The following CHST7 variants were observed in gnomAD, a reference collection of about 807,000 sequenced individuals.
CHST7 encodes carbohydrate sulfotransferase 7.
In CHST7, 5 loss-of-function variants were observed where a neutral mutation model predicts 9.0. The ratio of observed to expected loss-of-function variants is 0.56; its 90% CI spans 0.29 to 1.17. CHST7 has a LOEUF of 1.17. CHST7 is among the 50% of genes most tolerant of loss of function. The probability of loss-of-function intolerance (pLI) is 0.08; values close to 1 mark genes in which losing one functional copy is unlikely to be tolerated. For missense variants in CHST7, 377 were observed against 485.1 expected, an observed-to-expected ratio of 0.78 and a Z score of 2.09; for synonymous variants, 244 against 237.1, an observed-to-expected ratio of 1.03 and a Z score of -0.27.
chrX:46,583,393 T>G (rs1404019304), intron 1 of CHST7, among the ~76,000 whole-genome samples: 1 of 111,855 alleles, frequency 8.9e-6, no homozygotes, highest in Non-Finnish European at 1.9e-5. Flanking sequence ...CAGTTTTAAT[T>G]GGAGAAAATA....
chrX:46,576,750 G>A (rs904705708), intron 1 of CHST7, among the ~76,000 whole-genome samples: 3 of 112,430 alleles, frequency 2.7e-5, no homozygotes, highest in African/African-American at 9.7e-5. Context: ...CCCCTGAGAT[G>A]AAGCTCTGAG....
chrX:46,573,812 G>A lies in CHST7; in HGVS notation c.-120G>A. ...TTTCCCCTTGTGGATGCGCGGCCCC[G>A]CGGCTCTGCTCCTCCCGGCGCAGAG... is the stretch of plus-strand genomic sequence containing the variant. On this transcript the variant is annotated 5_prime_UTR_variant, in exon 1 of 2. Transcript: ENST00000276055. The A allele has an allele frequency of 1.9e-6, 2 of 1,034,128 alleles. No homozygotes were observed. The highest frequency in any genetic ancestry group is 2.5e-6 in the Non-Finnish European group (2 of 795,550). The allele number at this position is 1,034,128 out of a possible 1,213,427, so 85.2% of individuals were successfully genotyped here.
intron 1 of CHST7, 137 bp downstream of exon 1, chrX:46,575,560 A>G: frequency 1.9e-6 from 1 of 519,228 alleles, no homozygotes; most frequent in Non-Finnish European, 2.7e-6. Context: ...AGGATGGGAA[A>G]GTCCTGCTCG....
At chrX:46,586,688 A>G (rs1942550986) in intron 1 of CHST7, among the ~76,000 whole-genome samples, 1 of 112,179 alleles carries the variant, frequency 8.9e-6, no homozygotes, top group Admixed American at 9.4e-5. Flanking sequence ...GCTCAATGAA[A>G]GGAAAAAACA....
Position 46,574,126 on chromosome X carries a change from C to G in CHST7, c.195C>G (p.Arg65=). ...WSLEAAAAGE[R]EQGAEARAAE... is the part of the protein sequence containing the mutation. ...TGGAGGCGGCGGCGGCCGGCGAACG[C>G]GAGCAGGGAGCGGAGGCGCGGGCCG... Residue 65 remains arginine (R), a synonymous_variant, in exon 1 of 2, where the codon CGC becomes CGG. Coordinates refer to ENST00000276055, the MANE Select transcript of CHST7 (RefSeq NM_019886.4). 7 of 1,162,887 alleles carry G rather than the reference C, an allele frequency of 6.0e-6. No individual in the cohort carries two copies. Among genetic ancestry groups the G allele is most frequent in the Non-Finnish European group, 8.0e-6 (7 of 872,073 alleles).
intron 1 of CHST7, among the ~76,000 whole-genome samples, chrX:46,575,947 C>T (rs772449115): frequency 9.0e-6 from 1 of 111,509 alleles, no homozygotes; most frequent in African/African-American, 3.3e-5. Flanking sequence ...CTACCTATCC[C>T]TAATCTTTCT....
chrX:46,577,747 A>T (rs1335558687), intron 1 of CHST7, among the ~76,000 whole-genome samples: 1 of 111,780 alleles, frequency 8.9e-6, no homozygotes, highest in Non-Finnish European at 1.9e-5. Context: ...CTGCCTTGGC[A>T]TTCCCTGGCA....
chrX:46,574,220 G>A lies in CHST7; in HGVS notation c.289G>A (p.Val97Met), dbSNP rs374103732. 7 of 1,208,033 alleles carry A rather than the reference G, an allele frequency of 5.8e-6. No homozygotes were observed. In the African/African-American group the frequency reaches 1.2e-4, roughly 21 times the overall value. The change falls in exon 1 of 2, where the codon GTG becomes ATG. Residue 97 changes from valine to methionine, a missense_variant. By Grantham distance (21) the Val-to-Met change is conservative (BLOSUM62 1). Around this residue, in one of 3 missense-constraint regions of CHST7, gnomAD observed 239 missense variants for 325.7 expected, o/e 0.73. Coordinates refer to ENST00000276055, the MANE Select transcript of CHST7 (RefSeq NM_019886.4). ...SNLSGAVGEAVSREKQHIYVH... is the reference protein window; with the variant it reads ...SNLSGAVGEAMSREKQHIYVH... ...CCTCAGCGGCGCTGTCGGGGAGGCA[G>A]TGTCTCGCGAGAAGCAGCACATCTA...
At chrX:46,577,386 G>T (rs1322991410) in intron 1 of CHST7, among the ~76,000 whole-genome samples, 1 of 110,560 alleles carries the variant, frequency 9.0e-6, no homozygotes, top group Non-Finnish European at 1.9e-5. Flanking sequence ...CCTTCCTCCC[G>T]CATTGGGCAC....
Position 46,573,888 on chromosome X carries a change from G to C in CHST7, c.-44G>C. On this transcript the variant is annotated 5_prime_UTR_variant, in exon 1 of 2. Transcript: ENST00000276055. ...ACCTGGCACGGGATTTCTGAGGAAC[G>C]GGAGAAGACTGGCGCCCGACCCGCT... 2 of 1,153,195 alleles carry C rather than the reference G, an allele frequency of 1.7e-6. No individual in the cohort carries two copies. Among genetic ancestry groups the C allele is most frequent in the East Asian group, 3.3e-5 (1 of 30,710 alleles).
At chrX:46,581,245 A>AT (rs1173778895) in intron 1 of CHST7, among the ~76,000 whole-genome samples, 14 of 96,640 alleles carry the variant, frequency 1.4e-4, no homozygotes, top group East Asian at 6.3e-4. Flanking sequence ...CAAAAAAAAA[A>AT]AAAAAATAAT....
At chrX:46,585,086 C>T (rs373440812) in intron 1 of CHST7, among the ~76,000 whole-genome samples, 81 of 110,367 alleles carry the variant, frequency 7.3e-4, no homozygotes, top group African/African-American at 2.6e-3. Context: ...CAAGAACTGG[C>T]ATATGTTAAA....
chrX:46,581,894 C>G (rs1032392336), intron 1 of CHST7, among the ~76,000 whole-genome samples: 1 of 111,641 alleles, frequency 9.0e-6, no homozygotes, highest in African/African-American at 3.3e-5. Flanking sequence ...TGCGCCCGGT[C>G]AAAAATAGAA....
intron 1 of CHST7, among the ~76,000 whole-genome samples, chrX:46,597,251 G>A (rs892148009): frequency 4.5e-5 from 5 of 111,978 alleles, no homozygotes; most frequent in African/African-American, 1.6e-4. Flanking sequence ...CAAGCAATGT[G>A]TTTAAATGAA....
At chrX:46,588,691 T>C (rs1942560385) in intron 1 of CHST7, among the ~76,000 whole-genome samples, 1 of 111,679 alleles carries the variant, frequency 9.0e-6, no homozygotes, top group African/African-American at 3.3e-5. Context: ...ACCCAGCTCA[T>C]TGAAATATGA....
chrX:46,587,259 A>ACGGT (rs1738449142), intron 1 of CHST7, among the ~76,000 whole-genome samples: 1 of 110,993 alleles, frequency 9.0e-6, no homozygotes, highest in African/African-American at 3.3e-5. Context: ...AATTCCTCCC[A>ACGGT]CGGTGGGAGG....
intron 1 of CHST7, among the ~76,000 whole-genome samples, chrX:46,588,645 C>T (rs1479010387): frequency 9.0e-6 from 1 of 111,103 alleles, no homozygotes; most frequent in Non-Finnish European, 1.9e-5. Context: ...GTCATTTAAA[C>T]ACTCAAGGGA....
At chrX:46,591,999 A>C (rs1942575547) in intron 1 of CHST7, among the ~76,000 whole-genome samples, 1 of 111,992 alleles carries the variant, frequency 8.9e-6, no homozygotes, top group Admixed American at 9.5e-5. Context: ...TAGTTTGCTG[A>C]GGATGATGGT....
intron 1 of CHST7, among the ~76,000 whole-genome samples, chrX:46,583,385 G>A (rs1030929117): frequency 2.7e-5 from 3 of 112,172 alleles, no homozygotes; most frequent in African/African-American, 9.7e-5. Context: ...ATAGGAAGCA[G>A]TTTTAATTGG....
Sources: gnomAD v4.1 joint callset for allele counts (sites outside exome capture counted in the v4.1 genomes callset) on GRCh38, gnomAD v4.1.1 for gene constraint, gnomAD v4.1.1 regional missense constraint, MANE v1.5 for transcripts, NCBI Gene and HGNC (gene_info 2026-07-23, HGNC 2026-07-21) for gene names.